The following CDA variants were observed in gnomAD, a reference collection of about 807,000 sequenced individuals.
CDA encodes cytidine aminohydrolase.
A neutral mutation model predicts 15.0 loss-of-function variants in CDA; 7 were observed. That is an observed-to-expected ratio of 0.47 (90% CI 0.26 to 0.87). The LOEUF (loss-of-function observed/expected upper bound fraction) is 0.87. Among genes scored for constraint, CDA ranks in the 40% least tolerant of loss-of-function variants. The pLI is 0.15. For synonymous variants in CDA, 58 were observed against 73.0 expected (o/e 0.79, Z 1.05); for missense variants, 159 against 182.7 (o/e 0.87, Z 0.75).
chr1:20,599,098 C>T (rs1392852763), intron 1 of CDA, among the ~76,000 whole-genome samples: 1 of 152,158 alleles, frequency 6.6e-6, no homozygotes, highest in Non-Finnish European at 1.5e-5. Flanking sequence ...GAGAAGGTGA[C>T]ATTTGAGCAG....
Position 20,616,759 on chromosome 1 carries a change from G to A in CDA, c.325-1693G>A, listed in dbSNP as rs199928792. Among the ~76,000 whole-genome samples, 327 of 152,252 alleles carry A rather than the reference G, an allele frequency of 2.1e-3. 1 individual carries two copies. Among genetic ancestry groups the A allele is most frequent in the African/African-American group, 7.4e-3 (308 of 41,536 alleles). The stretch of plus-strand genomic sequence containing the variant: ...GGCGTTGGGGCCAGGGACCTGACAC[G>A]TAAACTCGCCCTCGGCTCAACTTTT... On this transcript the variant is annotated intron_variant, in intron 3 of 3. Coordinates refer to ENST00000375071, the MANE Select transcript of CDA (RefSeq NM_001785.3).
chr1:20,599,395 G>A (rs1570378691), intron 1 of CDA, among the ~76,000 whole-genome samples: 1 of 151,878 alleles, frequency 6.6e-6, no homozygotes, highest in South Asian at 2.1e-4. Context: ...GAGGCGGGTG[G>A]ATCACAAGGT....
At chr1:20,599,108 G>A (rs893630457) in intron 1 of CDA, among the ~76,000 whole-genome samples, 1 of 152,166 alleles carries the variant, frequency 6.6e-6, no homozygotes, top group Non-Finnish European at 1.5e-5. Context: ...CATTTGAGCA[G>A]AGCCCTGAGT....
chr1:20,606,929 G>T (rs938323055), intron 2 of CDA, among the ~76,000 whole-genome samples: 1 of 152,158 alleles, frequency 6.6e-6, no homozygotes, highest in South Asian at 2.1e-4. Flanking sequence ...CATTGTGTAT[G>T]ACAGTTTTCT....
chr1:20,611,310 G>A (rs2154532757), intron 2 of CDA, among the ~76,000 whole-genome samples: 1 of 152,362 alleles, frequency 6.6e-6, no homozygotes, highest in Non-Finnish European at 1.5e-5. Context: ...AGAAGAGTAA[G>A]AAGGATGGTG....
chr1:20,597,487 T>C (rs374496331), intron 1 of CDA, among the ~76,000 whole-genome samples: 58 of 152,186 alleles, frequency 3.8e-4, no homozygotes, highest in African/African-American at 1.2e-3. Context: ...CCAGGATGCA[T>C]GTTTTGGCCT....
chr1:20,616,470 G>A (rs1178499628), intron 3 of CDA, among the ~76,000 whole-genome samples: 3 of 152,088 alleles, frequency 2.0e-5, no homozygotes, highest in Middle Eastern at 3.2e-3. Context: ...ACATACCACC[G>A]GGAAAGCAGT....
At chr1:20,614,261 C>T (rs548896314) in intron 3 of CDA, among the ~76,000 whole-genome samples, 1 of 151,356 alleles carries the variant, frequency 6.6e-6, no homozygotes, top group South Asian at 2.1e-4. Flanking sequence ...GTTTCTGAGT[C>T]AAGAGGGCTA....
intron 3 of CDA, among the ~76,000 whole-genome samples, chr1:20,618,232 A>C (rs975761178): frequency 1.3e-5 from 2 of 151,282 alleles, no homozygotes; most frequent in African/African-American, 4.9e-5. Context: ...GTGCCTGTTC[A>C]CGATGTACCA....
At chr1:20,616,009 T>C (rs2052798038) in intron 3 of CDA, among the ~76,000 whole-genome samples, 1 of 152,006 alleles carries the variant, frequency 6.6e-6, no homozygotes, top group African/African-American at 2.4e-5. Flanking sequence ...CAAAAATAAA[T>C]ACATACCTAC....
chr1:20,596,756 CTTTTTTTTTTT>C (rs61288769), intron 1 of CDA, among the ~76,000 whole-genome samples: 5 of 101,118 alleles, frequency 4.9e-5, no homozygotes, highest in African/African-American at 1.8e-4. Context: ...CTGTTGATGT[CTTTTTTTTTTT>C]TTTTTTTTTT....
At chr1:20,615,764 A>T (rs2052796250) in intron 3 of CDA, among the ~76,000 whole-genome samples, 1 of 150,618 alleles carries the variant, frequency 6.6e-6, no homozygotes, top group Non-Finnish European at 1.5e-5. Flanking sequence ...ACTTTGGGAG[A>T]CTGAGGCAGG....
intron 3 of CDA, among the ~76,000 whole-genome samples, chr1:20,614,868 T>A (rs2052787255): frequency 6.9e-6 from 1 of 145,430 alleles, no homozygotes; most frequent in South Asian, 2.1e-4. Flanking sequence ...AAGTGTACAC[T>A]TTTTTTTTTT....
intron 1 of CDA, among the ~76,000 whole-genome samples, chr1:20,600,072 A>G (rs111908452): frequency 0.02 from 3,109 of 152,308 alleles, 64 homozygotes; most frequent in Non-Finnish European, 0.028. Flanking sequence ...GCCCCCTGCC[A>G]CAACCATCTT....
At chr1:20,610,256 A>G (rs2052734367) in intron 2 of CDA, among the ~76,000 whole-genome samples, 2 of 65,392 alleles carry the variant, frequency 3.1e-5, no homozygotes, top group African/African-American at 4.6e-5. Flanking sequence ...CTAGGCACAC[A>G]TTATCTTTTT....
intron 2 of CDA, among the ~76,000 whole-genome samples, chr1:20,610,387 T>C (rs1244889241): frequency 2.0e-5 from 3 of 151,504 alleles, no homozygotes; most frequent in Non-Finnish European, 4.4e-5. Flanking sequence ...CTGCAACCTC[T>C]ACCTCCCAGG....
chr1:20,603,421 G>A (rs928994910), intron 1 of CDA, among the ~76,000 whole-genome samples: 7 of 152,202 alleles, frequency 4.6e-5, no homozygotes, highest in Admixed American at 6.5e-5. Flanking sequence ...CCTTGGCCAC[G>A]CAGTCAAAAG....
chr1:20,594,150 C>T (rs1190944678), intron 1 of CDA, among the ~76,000 whole-genome samples: 1 of 152,226 alleles, frequency 6.6e-6, no homozygotes, highest in Non-Finnish European at 1.5e-5. Flanking sequence ...CTTCCCCCTC[C>T]AAGGCAGCTG....
intron 1 of CDA, among the ~76,000 whole-genome samples, chr1:20,597,071 T>C (rs535698278): frequency 6.6e-6 from 1 of 152,264 alleles, no homozygotes; most frequent in Admixed American, 6.5e-5. Flanking sequence ...CTTGCTGATG[T>C]CTTAATAACA....
Sources: allele counts gnomAD v4.1 joint callset (sites outside exome capture counted in the v4.1 genomes callset), GRCh38; gene constraint gnomAD v4.1.1; transcripts MANE v1.5; gene names NCBI Gene and HGNC (gene_info 2026-07-23, HGNC 2026-07-21).